The following ATP8B1 variants were observed in gnomAD, a reference collection of about 807,000 sequenced individuals.
ATP8B1 encodes the protein ATPase phospholipid transporting 8B1, also known as phospholipid-transporting ATPase IC.
In ATP8B1, 80 loss-of-function variants were observed where a neutral mutation model predicts 149.9. That is an observed-to-expected ratio of 0.53 (90% CI 0.45 to 0.64). The LOEUF (loss-of-function observed/expected upper bound fraction) is 0.64. Among genes scored for constraint, ATP8B1 ranks in the 30% least tolerant of loss-of-function variants. The pLI is 0.00. For synonymous variants in ATP8B1, 536 were observed against 562.8 expected (o/e 0.95, Z 0.67); for missense variants, 1,247 against 1,552.6 (o/e 0.80, Z 3.31).
chr18:57,675,896 G>A (rs960541733), intron 15 of ATP8B1, among the ~76,000 whole-genome samples: 7 of 151,998 alleles, frequency 4.6e-5, no homozygotes, highest in Admixed American at 2.0e-4. Flanking sequence ...TTGTAGAGAC[G>A]GGGTTTCACC....
rs1250184376 is a variant in ATP8B1, at chr18:57,756,291, G to GTATATATATATATATATATATA, written c.-25-24460_-25-24459insTATATATATATATATATATATA. Among the ~76,000 whole-genome samples, 11 of 27,176 alleles carry GTATATATATATATATATATATA rather than the reference G, an allele frequency of 4.0e-4. 2 individuals are homozygous for GTATATATATATATATATATATA. The highest frequency in any genetic ancestry group is 1.8e-3 in the African/African-American group (9 of 5,018). The allele number at this position is 27,176 out of a possible 152,430, so 17.8% of individuals were successfully genotyped here. ...AAATATTTACACAACATATATATGT[G>GTATATATATATATATATATATA]TGTGTGTATGTATATATATATATAT... On this transcript the variant is annotated intron_variant, in intron 1 of 27. Coordinates refer to ENST00000648908, the MANE Select transcript of ATP8B1 (RefSeq NM_001374385.1).
At chr18:57,701,738 C>T (rs1326131532) in intron 4 of ATP8B1, among the ~76,000 whole-genome samples, 1 of 151,672 alleles carries the variant, frequency 6.6e-6, no homozygotes, top group Non-Finnish European at 1.5e-5. Context: ...CTCTGTCACC[C>T]AGGCTGGAGT....
chr18:57,731,375 A>ACG lies in ATP8B1; in HGVS notation c.181+251_181+252insCG. 1.6e-5 allele frequency: 4 copies of ACG among 244,724 alleles called. 2 individuals are homozygous for ACG. The highest frequency in any genetic ancestry group is 1.2e-4 in the Admixed American group (2 of 17,110). 15.2% of individuals were successfully genotyped at this position (244,724 alleles called of 1,614,324 possible). A position where few individuals can be genotyped will look rare whatever the true frequency, so the allele number is the denominator to read the frequency against. On this transcript the variant is annotated intron_variant, in intron 2 of 27. Coordinates refer to ENST00000648908, the MANE Select transcript of ATP8B1 (RefSeq NM_001374385.1). ...TATATATATATATATATATATATATACACACACTAACAAAGACCTTAATGT... is the reference window on the plus strand; with the variant it reads ...TATATATATATATATATATATATATACGCACACACTAACAAAGACCTTAATGT...
chr18:57,675,115 G>C, intron 15 of ATP8B1, 93 bp from the exon 16 acceptor site: 2 of 1,353,400 alleles, frequency 1.5e-6, no homozygotes, highest in Non-Finnish European at 2.1e-6. Flanking sequence ...GTGGGGGTCA[G>C]ATGGGCTGCA....
intron 20 of ATP8B1, among the ~76,000 whole-genome samples, chr18:57,663,809 C>A (rs1335290886): frequency 1.4e-5 from 2 of 143,490 alleles, no homozygotes; most frequent in Non-Finnish European, 3.0e-5. Flanking sequence ...GCTCTGTCAC[C>A]AGGCTGGAGT....
intron 18 of ATP8B1, 21 bp from the exon 19 acceptor site, chr18:57,668,561 A>AG (rs1911034476): frequency 6.9e-7 from 1 of 1,447,422 alleles, no homozygotes; most frequent in Admixed American, 2.0e-5. Flanking sequence ...TATTAAAAAA[A>AG]AAAAAAAAAG....
chr18:57,692,696 A>G (rs1355404686), intron 11 of ATP8B1, among the ~76,000 whole-genome samples: 1 of 152,128 alleles, frequency 6.6e-6, no homozygotes, highest in Non-Finnish European at 1.5e-5. Context: ...CAGTCTCCCA[A>G]ACTGCTGGGA....
At chr18:57,742,691 C>T (rs2079927874) in intron 1 of ATP8B1, among the ~76,000 whole-genome samples, 1 of 151,832 alleles carries the variant, frequency 6.6e-6, no homozygotes, top group Admixed American at 6.6e-5. Flanking sequence ...AAAGAATTAG[C>T]TGGGCACCTG....
At position 57,647,476 on chromosome 18, in the gene ATP8B1, AGAT is replaced by A; in HGVS notation, c.*1009_*1011del. 6.6e-6 allele frequency: 1 copy of A among 152,252 alleles called. No individual in the cohort carries two copies. The allele number at this position is 152,252 out of a possible 1,614,324, so 9.4% of individuals were successfully genotyped here. ...TGATTGAACGAACCACTTAGCTTTC[AGAT>A]GATGAACACTGATAAGTCATTTGTC... On this transcript the variant is annotated 3_prime_UTR_variant, in exon 28 of 28. Transcript: ENST00000648908.
At position 57,648,610 on chromosome 18, in the gene ATP8B1, A is replaced by AGAAGGC; in HGVS notation, c.3628_3633dup (p.Ala1210_Phe1211dup). The AGAAGGC allele has an allele frequency of 6.2e-7, 1 of 1,610,574 alleles. No homozygotes were observed. The highest frequency in any genetic ancestry group is 8.5e-7 in the Non-Finnish European group (1 of 1,179,500). ...AGGTCCGCGTAGCCCCGCTGGTGCG[A>AGAAGGC]GAAGGCGTAGGCCGAGCGCCGCGTT... On this transcript the variant is annotated inframe_insertion, in exon 28 of 28. Transcript: ENST00000648908.
intron 1 of ATP8B1, among the ~76,000 whole-genome samples, chr18:57,782,376 T>C (rs1212700592): frequency 6.6e-6 from 1 of 152,248 alleles, no homozygotes. Context: ...ATTTTCCCCA[T>C]AGGTTTATAT....
chr18:57,713,408 T>G (rs2123024438), intron 2 of ATP8B1, among the ~76,000 whole-genome samples: 1 of 151,646 alleles, frequency 6.6e-6, no homozygotes, highest in African/African-American at 2.4e-5. Context: ...GCAATTCTCA[T>G]GCCTCAGCCT....
chr18:57,768,437 A>G lies in ATP8B1; in HGVS notation c.-26+34561T>C, dbSNP rs1242836914. The stretch of plus-strand genomic sequence containing the variant: ...AAAAGAAAAGAAAAGAAAAAAAAGA[A>G]TTTTCTTAAGCTACTAAGAAGAATC... On this transcript the variant is annotated intron_variant, in intron 1 of 27. Transcript: ENST00000648908. 2.7e-5 allele frequency among the ~76,000 whole-genome samples: 4 copies of G among 150,842 alleles called. No homozygotes were observed. The East Asian group carries it at 7.7e-4, about 29-fold the overall frequency.
intron 22 of ATP8B1, among the ~76,000 whole-genome samples, chr18:57,660,890 T>G (rs745508349): frequency 6.6e-6 from 1 of 152,134 alleles, no homozygotes; most frequent in Non-Finnish European, 1.5e-5. Flanking sequence ...ACAACATCTA[T>G]ATAAAAGAAT....
intron 6 of ATP8B1, among the ~76,000 whole-genome samples, chr18:57,699,469 G>T (rs1389311891): frequency 6.6e-6 from 1 of 152,110 alleles, no homozygotes; most frequent in Non-Finnish European, 1.5e-5. Context: ...GGGCCCGGTG[G>T]CTCACGCCTG....
At chr18:57,666,764 G>T (rs1910885716) in intron 20 of ATP8B1, among the ~76,000 whole-genome samples, 3 of 152,068 alleles carry the variant, frequency 2.0e-5, no homozygotes, top group Admixed American at 2.0e-4. Flanking sequence ...TAGAACTCCT[G>T]ACTTCAGGTG....
Position 57,775,859 on chromosome 18 carries a change from G to C in ATP8B1, c.-26+27139C>G, listed in dbSNP as rs527426310. On this transcript the variant is annotated intron_variant, in intron 1 of 27. Coordinates refer to ENST00000648908, the MANE Select transcript of ATP8B1 (RefSeq NM_001374385.1). Reference sequence around the variant, plus strand: ...GCGTTTCTCCATATTGATCAGGCTGGTCTCAAACTCCCGACCTCAGGTGAT... The same window carrying C: ...GCGTTTCTCCATATTGATCAGGCTGCTCTCAAACTCCCGACCTCAGGTGAT... Among the ~76,000 whole-genome samples, 12 of 152,246 alleles carry C rather than the reference G, an allele frequency of 7.9e-5. No homozygotes were observed. In the East Asian group the frequency reaches 2.3e-3, roughly 29 times the overall value.
chr18:57,735,635 A>T (rs380954), intron 1 of ATP8B1: 2 of 152,146 alleles, frequency 1.3e-5, no homozygotes, highest in African/African-American at 4.8e-5. Context: ...TATACTTATA[A>T]TTCCCTGGTT....
chr18:57,717,283 C>T (rs1599149009), intron 2 of ATP8B1, among the ~76,000 whole-genome samples: 2 of 152,092 alleles, frequency 1.3e-5, no homozygotes, highest in South Asian at 2.1e-4. Context: ...CAGTGGCTCA[C>T]GCCTGTAATC....
Sources: allele counts gnomAD v4.1 joint callset (sites outside exome capture counted in the v4.1 genomes callset), GRCh38; gene constraint gnomAD v4.1.1; transcripts MANE v1.5; gene names NCBI Gene and HGNC (gene_info 2026-07-23, HGNC 2026-07-21).